The following DLC1 variants were observed in gnomAD, a reference collection of about 807,000 sequenced individuals.
DLC1 encodes the protein DLC1 Rho GTPase activating protein.
In DLC1, 54 loss-of-function variants were observed where a neutral mutation model predicts 140.3. That is an observed-to-expected ratio of 0.38 (90% CI 0.31 to 0.48). The LOEUF is 0.48. Among genes scored for constraint, DLC1 ranks in the 20% least tolerant of loss-of-function variants. The probability of loss-of-function intolerance (pLI) is 0.96; values close to 1 mark genes in which losing one functional copy is unlikely to be tolerated. For missense variants in DLC1, 2,536 were observed against 1,907.0 expected, an observed-to-expected ratio of 1.33 and a Z score of -6.14; for synonymous variants, 986 against 728.1, an observed-to-expected ratio of 1.35 and a Z score of -5.70.
At chr8:13,345,545 C>A (rs1364827678) in intron 4 of DLC1, among the ~76,000 whole-genome samples, 2 of 55,126 alleles carry the variant, frequency 3.6e-5, no homozygotes, top group African/African-American at 1.4e-4. Context: ...TTTTCACTCA[C>A]ACTTTTTTTT....
intron 3 of DLC1, among the ~76,000 whole-genome samples, chr8:13,395,478 C>T (rs1024645127): frequency 6.6e-6 from 1 of 152,158 alleles, no homozygotes; most frequent in African/African-American, 2.4e-5. Flanking sequence ...AGAGTAAGGA[C>T]TTCACCTGTC....
intron 1 of DLC1, among the ~76,000 whole-genome samples, chr8:13,592,920 C>T (rs1361872617): frequency 6.6e-6 from 1 of 152,128 alleles, no homozygotes; most frequent in Non-Finnish European, 1.5e-5. Context: ...CTTACTGAGT[C>T]ATGCTCTTCA....
At chr8:13,579,269 T>TATATATATATATATATATAC (rs71207166) in intron 1 of DLC1, among the ~76,000 whole-genome samples, 2 of 89,344 alleles carry the variant, frequency 2.2e-5, no homozygotes, top group African/African-American at 8.5e-5. Flanking sequence ...TATATATATA[T>TATATATATATATATATATAC]GCACATATCT....
At chr8:13,200,413 G>A (rs1050572855) in intron 5 of DLC1, among the ~76,000 whole-genome samples, 33 of 152,138 alleles carry the variant, frequency 2.2e-4, no homozygotes, top group African/African-American at 7.2e-4. Context: ...TTGAGGTGTC[G>A]AATGATTAAA....
At position 13,088,582 on chromosome 8, in the gene DLC1, T is replaced by G; in HGVS notation, c.4197A>C (p.Ser1399=). 6.2e-7 allele frequency: 1 copy of G among 1,614,178 alleles called. No individual in the cohort carries two copies. Among genetic ancestry groups the G allele is most frequent in the Non-Finnish European group, 8.5e-7 (1 of 1,180,034 alleles). ...QHLWDVDLLD[S]KVIEILDSQT... is the part of the protein sequence containing the mutation. ...GGCTGTCCAGAATTTCGATCACTTTTGAATCCAACAGGTCTACATCCCAGA... is the reference window on the plus strand; with the variant it reads ...GGCTGTCCAGAATTTCGATCACTTTGGAATCCAACAGGTCTACATCCCAGA... The change falls in exon 16 of 18, where the codon TCA becomes TCC. Residue 1399 remains serine (S), a synonymous_variant. Transcript: ENST00000276297.
At position 13,499,993 on chromosome 8, in the gene DLC1, G is replaced by T. The variant is rs34575560; in HGVS notation, c.79C>A (p.Arg27Ser). ...AGTCCATGATGACATGCTGTGTTAC[G>T]ATCATCAGAATTAAAAGGCTGTCCC... is the stretch of plus-strand genomic sequence containing the variant. ...WMGQPFNSDD[R>S]NTACHHGLVA... is the part of the protein sequence containing the mutation. The change falls in exon 2 of 18, where the codon CGT becomes AGT. Residue 27 changes from arginine (R) to serine (S), a missense_variant. Coordinates refer to ENST00000276297, the MANE Select transcript of DLC1 (RefSeq NM_182643.3). 2 of 1,614,010 alleles carry T rather than the reference G, an allele frequency of 1.2e-6. No homozygotes were observed. Among genetic ancestry groups the T allele is most frequent in the East Asian group, 4.5e-5 (2 of 44,876 alleles).
intron 5 of DLC1, among the ~76,000 whole-genome samples, chr8:13,186,217 C>G (rs1309924895): frequency 6.6e-6 from 1 of 152,188 alleles, no homozygotes; most frequent in East Asian, 1.9e-4. Flanking sequence ...TGGGGAAGTT[C>G]TCCTGGATAA....
At chr8:13,134,006 G>T (rs1424745141) in intron 5 of DLC1, among the ~76,000 whole-genome samples, 3 of 152,184 alleles carry the variant, frequency 2.0e-5, no homozygotes, top group African/African-American at 7.2e-5. Flanking sequence ...TCTCAAACTG[G>T]CCCTTGGGCC....
chr8:13,246,639 A>G, intron 5 of DLC1, among the ~76,000 whole-genome samples: 1 of 152,146 alleles, frequency 6.6e-6, no homozygotes, highest in East Asian at 1.9e-4. Context: ...ATACCTACAA[A>G]GGTATAGTAC....
At chr8:13,149,867 G>A (rs1039054632) in intron 5 of DLC1, among the ~76,000 whole-genome samples, 1 of 152,232 alleles carries the variant, frequency 6.6e-6, no homozygotes. Flanking sequence ...TTTGCACTGG[G>A]TTGGGGAATA....
At chr8:13,471,259 G>C (rs1800193296) in intron 2 of DLC1, among the ~76,000 whole-genome samples, 1 of 150,856 alleles carries the variant, frequency 6.6e-6, no homozygotes, top group Non-Finnish European at 1.5e-5. Flanking sequence ...TAACGATACT[G>C]AATTGTATAC....
chr8:13,579,836 G>C (rs745942672), intron 1 of DLC1, among the ~76,000 whole-genome samples: 1 of 151,710 alleles, frequency 6.6e-6, no homozygotes, highest in Admixed American at 6.6e-5. Flanking sequence ...GAGTGCTCCA[G>C]GTGAGTACCC....
At chr8:13,210,506 A>G (rs2117105111) in intron 5 of DLC1, among the ~76,000 whole-genome samples, 1 of 152,364 alleles carries the variant, frequency 6.6e-6, no homozygotes, top group South Asian at 2.1e-4. Flanking sequence ...GTAAAATTGC[A>G]TCATAAAGTA....
chr8:13,105,428 G>C (rs1264331552), intron 7 of DLC1, among the ~76,000 whole-genome samples: 1 of 152,072 alleles, frequency 6.6e-6, no homozygotes, highest in Non-Finnish European at 1.5e-5. Flanking sequence ...TCCTATATAT[G>C]ACTTCATCTT....
At chr8:13,153,280 C>T (rs1405361415) in intron 5 of DLC1, among the ~76,000 whole-genome samples, 1 of 152,112 alleles carries the variant, frequency 6.6e-6, no homozygotes, top group Non-Finnish European at 1.5e-5. Context: ...AGTGTTACAG[C>T]CCTTAAGGTG....
At chr8:13,461,321 T>G (rs1799645995) in intron 2 of DLC1, among the ~76,000 whole-genome samples, 1 of 152,246 alleles carries the variant, frequency 6.6e-6, no homozygotes, top group African/African-American at 2.4e-5. Flanking sequence ...TCTCCATTTC[T>G]TTACATGAAA....
intron 5 of DLC1, among the ~76,000 whole-genome samples, chr8:13,165,502 A>G (rs1006851669): frequency 6.6e-6 from 1 of 152,204 alleles, no homozygotes; most frequent in Admixed American, 6.5e-5. Context: ...CAGTCACCTC[A>G]TGGTCCGTAC....
intron 15 of DLC1, 24 bp from the exon 16 acceptor site, chr8:13,088,728 G>T (rs757956173): frequency 7.1e-5 from 114 of 1,611,746 alleles, no homozygotes; most frequent in Non-Finnish European, 9.1e-5. Flanking sequence ...GTATTTTTCA[G>T]TGCCAAGGCA....
chr8:13,424,986 A>G (rs529816727), intron 2 of DLC1, among the ~76,000 whole-genome samples: 11 of 152,322 alleles, frequency 7.2e-5, no homozygotes, highest in African/African-American at 2.6e-4. Flanking sequence ...TTATTGCTAA[A>G]TATTGACAGG....
Sources: allele counts gnomAD v4.1 joint callset (sites outside exome capture counted in the v4.1 genomes callset), GRCh38; gene constraint gnomAD v4.1.1; transcripts MANE v1.5; gene names NCBI Gene and HGNC (gene_info 2026-07-23, HGNC 2026-07-21).